Variants in SH3BGRL2 observed in about 807,000 individuals in gnomAD.
SH3BGRL2 encodes the protein SH3 domain binding glutamate rich protein like 2, also known as SH3 domain-binding glutamic acid-rich-like protein 2.
A neutral mutation model predicts 14.8 loss-of-function variants in SH3BGRL2; 21 were observed. That is an observed-to-expected ratio of 1.42 (90% confidence interval 1.01 to 2.05). The LOEUF (loss-of-function observed/expected upper bound fraction) is 2.05, where lower values mean the gene tolerates loss of function less well. Among genes scored for constraint, SH3BGRL2 ranks in the 30% most tolerant of loss-of-function variants. The pLI is 0.00. For missense variants in SH3BGRL2, 147 were observed against 130.8 expected (o/e 1.12, Z -0.61); for synonymous variants, 50 against 47.8 (o/e 1.05, Z -0.19).
the SH3BGRL2 span, among the ~76,000 whole-genome samples, chr6:79,552,533 C>T: frequency 6.6e-6 from 1 of 152,112 alleles, no homozygotes; most frequent in African/African-American, 2.4e-5. Flanking sequence ...CAACTGGTTA[C>T]ATTTGAGTTA....
At chr6:79,589,792 T>G in the SH3BGRL2 span, among the ~76,000 whole-genome samples, 1 of 152,322 alleles carries the variant, frequency 6.6e-6, no homozygotes, top group Non-Finnish European at 1.5e-5. Flanking sequence ...TGTTTGTTTT[T>G]GGGACAGGGT....
intron 1 of SH3BGRL2, among the ~76,000 whole-genome samples, chr6:79,654,682 G>C (rs1019239408): frequency 6.6e-6 from 1 of 152,136 alleles, no homozygotes; most frequent in Non-Finnish European, 1.5e-5. Context: ...AAGAGGTCTA[G>C]GAGAAATATT....
the SH3BGRL2 span, among the ~76,000 whole-genome samples, chr6:79,617,389 T>C: frequency 2.0e-5 from 3 of 152,186 alleles, no homozygotes; most frequent in Admixed American, 1.3e-4. Context: ...ATGGACATTT[T>C]CTTACATAAT....
At chr6:79,597,764 C>T in the SH3BGRL2 span, among the ~76,000 whole-genome samples, 29 of 152,306 alleles carry the variant, frequency 1.9e-4, no homozygotes, top group South Asian at 1.9e-3. Flanking sequence ...ATAAATTGGA[C>T]ATCCTCGAAA....
At chr6:79,600,738 T>C in the SH3BGRL2 span, among the ~76,000 whole-genome samples, 197 of 152,330 alleles carry the variant, frequency 1.3e-3, 1 homozygote, top group African/African-American at 4.5e-3. Flanking sequence ...AGGCACAGAA[T>C]ATAGACACTG....
the SH3BGRL2 span, among the ~76,000 whole-genome samples, chr6:79,547,727 A>C: frequency 3.3e-4 from 51 of 152,304 alleles, no homozygotes; most frequent in Non-Finnish European, 6.6e-4. Flanking sequence ...AATGTGTCCA[A>C]AATGTTTCAA....
At chr6:79,668,704 A>T (rs1382007843) in intron 1 of SH3BGRL2, among the ~76,000 whole-genome samples, 1 of 152,148 alleles carries the variant, frequency 6.6e-6, no homozygotes, top group African/African-American at 2.4e-5. Context: ...TGTATCAACA[A>T]TTTAATAAAA....
chr6:79,579,369 G>A, the SH3BGRL2 span, among the ~76,000 whole-genome samples: 9 of 152,158 alleles, frequency 5.9e-5, no homozygotes, highest in East Asian at 1.7e-3. Context: ...AGGTTGAAAT[G>A]AAGGAAAAAG....
intron 2 of SH3BGRL2, among the ~76,000 whole-genome samples, chr6:79,679,993 C>CT (rs1769958491): frequency 6.6e-6 from 1 of 152,128 alleles, no homozygotes; most frequent in African/African-American, 2.4e-5. Context: ...CCCTTATCAG[C>CT]TATCTGATTG....
intron 1 of SH3BGRL2, among the ~76,000 whole-genome samples, chr6:79,639,218 A>G (rs1768985250): frequency 6.6e-6 from 1 of 152,240 alleles, no homozygotes; most frequent in Non-Finnish European, 1.5e-5. Context: ...AAAAAAATCT[A>G]GAATCATAGT....
intron 2 of SH3BGRL2, among the ~76,000 whole-genome samples, chr6:79,686,575 C>T (rs1770102435): frequency 6.6e-6 from 1 of 152,114 alleles, no homozygotes; most frequent in South Asian, 2.1e-4. Flanking sequence ...ACTTAATTTT[C>T]AGGAGCTCTT....
At chr6:79,580,856 T>C in the SH3BGRL2 span, among the ~76,000 whole-genome samples, 4 of 152,150 alleles carry the variant, frequency 2.6e-5, no homozygotes, top group Non-Finnish European at 5.9e-5. Flanking sequence ...AGGAGCTGGT[T>C]TCTTTAAAAG....
At chr6:79,591,799 G>C in the SH3BGRL2 span, among the ~76,000 whole-genome samples, 1 of 152,148 alleles carries the variant, frequency 6.6e-6, no homozygotes, top group African/African-American at 2.4e-5. Context: ...CTTTATCCAA[G>C]AGCTACTGCT....
At chr6:79,686,534 C>A (rs1435687631) in intron 2 of SH3BGRL2, among the ~76,000 whole-genome samples, 2 of 152,040 alleles carry the variant, frequency 1.3e-5, no homozygotes, top group African/African-American at 2.4e-5. Context: ...GCTTTTTATT[C>A]TTTTTATCTA....
the SH3BGRL2 span, among the ~76,000 whole-genome samples, chr6:79,597,240 A>G: frequency 2.0e-5 from 3 of 148,052 alleles, no homozygotes; most frequent in African/African-American, 7.5e-5. Flanking sequence ...AAAAAAAAAG[A>G]AGAAAGAAGA....
the SH3BGRL2 span, among the ~76,000 whole-genome samples, chr6:79,606,611 A>G: frequency 6.6e-6 from 1 of 152,162 alleles, no homozygotes; most frequent in South Asian, 2.1e-4. Context: ...AGGAAATTTG[A>G]TCTTTGACGT....
At chr6:79,679,682 GCCTACCAACATTA>G (rs1173796088) in intron 2 of SH3BGRL2, among the ~76,000 whole-genome samples, 2 of 152,004 alleles carry the variant, frequency 1.3e-5, no homozygotes, top group African/African-American at 2.4e-5. Context: ...GTACCATTTT[GCCTACCAACATTA>G]CCTACCAACA....
chr6:79,688,441 T>C (rs1424833574), intron 2 of SH3BGRL2, among the ~76,000 whole-genome samples: 1 of 152,198 alleles, frequency 6.6e-6, no homozygotes, highest in African/African-American at 2.4e-5. Flanking sequence ...TTACCTTGAA[T>C]ATGATTTATG....
the SH3BGRL2 span, among the ~76,000 whole-genome samples, chr6:79,616,894 GA>G: frequency 6.6e-6 from 1 of 152,034 alleles, no homozygotes; most frequent in Non-Finnish European, 1.5e-5. Flanking sequence ...TTTTGATTAT[GA>G]AAAAAATCAG....
Sources: gnomAD v4.1 joint callset for allele counts (sites outside exome capture counted in the v4.1 genomes callset) on GRCh38, gnomAD v4.1.1 for gene constraint, MANE v1.5 for transcripts, NCBI Gene and HGNC (gene_info 2026-07-23, HGNC 2026-07-21) for gene names.